KIF24: variants seen among roughly 807,000 people sequenced by gnomAD.
The protein encoded by KIF24 is kinesin-like protein KIF24.
In KIF24, 81 loss-of-function variants were observed where a neutral mutation model predicts 118.9. The ratio of observed to expected loss-of-function variants is 0.68; its 90% CI spans 0.57 to 0.82. KIF24 has a LOEUF of 0.82. Among genes scored for constraint, KIF24 ranks in the 40% least tolerant of loss-of-function variants. The pLI is 0.00. For missense variants in KIF24, 1,560 were observed against 1,661.6 expected, an observed-to-expected ratio of 0.94 and a Z score of 1.06; for synonymous variants, 599 against 610.0, an observed-to-expected ratio of 0.98 and a Z score of 0.27.
At chr9:34,333,261 C>G (rs57932502), upstream of KIF24, among the ~76,000 whole-genome samples, 564 of 152,218 alleles carry the variant, frequency 3.7e-3, 7 homozygotes, top group East Asian at 0.031. Flanking sequence ...CCCTCTCCCC[C>G]CAACTAAAAC....
intron 9 of KIF24, among the ~76,000 whole-genome samples, chr9:34,260,723 C>A (rs1274227253): frequency 6.6e-6 from 1 of 152,186 alleles, no homozygotes; most frequent in African/African-American, 2.4e-5. Context: ...GTAATCCTAG[C>A]ACTTTGGGAG....
chr9:34,297,726 C>T (rs992906944), intron 3 of KIF24, among the ~76,000 whole-genome samples: 4 of 150,342 alleles, frequency 2.7e-5, no homozygotes, highest in Non-Finnish European at 4.4e-5. Context: ...GGCACCACTG[C>T]ACTCCAGCCT....
intron 10 of KIF24, 119 bp downstream of exon 10, chr9:34,259,477 G>A (rs1834974003): frequency 4.1e-6 from 3 of 730,348 alleles, no homozygotes; most frequent in Non-Finnish European, 7.2e-6. Context: ...TGTGTGAGTG[G>A]GAGAGACATG....
In KIF24 at chr9:34,318,670, G is replaced by A. The variant is rs1172596620; in HGVS notation, c.-25-7299C>T. 17 of 1,539,882 alleles carry A rather than the reference G, an allele frequency of 1.1e-5. No homozygotes were observed. The highest frequency in any genetic ancestry group is 2.2e-4 in the Middle Eastern group (1 of 4,512). ...TGTCGCTGGGCGGCAAGGCGACCACGGCGTCGGAGGCCAAGGCAGTGCTGA... is the reference window on the plus strand; with the variant it reads ...TGTCGCTGGGCGGCAAGGCGACCACAGCGTCGGAGGCCAAGGCAGTGCTGA... On this transcript the variant is annotated intron_variant, in intron 1 of 12. Coordinates refer to ENST00000402558, the MANE Select transcript of KIF24 (RefSeq NM_194313.4). The surrounding 1 kb of genome is among the most constrained non-coding windows in gnomAD (Gnocchi z 4.9).
chr9:34,298,114 G>A (rs1394734751), intron 3 of KIF24, among the ~76,000 whole-genome samples: 1 of 152,162 alleles, frequency 6.6e-6, no homozygotes, highest in Non-Finnish European at 1.5e-5. Flanking sequence ...TGGAAGGGGG[G>A]AAGGTATTCC....
At chr9:34,278,497 G>A (rs1294158892) in intron 6 of KIF24, among the ~76,000 whole-genome samples, 1 of 148,654 alleles carries the variant, frequency 6.7e-6, no homozygotes, top group African/African-American at 2.5e-5. Context: ...TTTCATAAAT[G>A]TAAAACAATC....
At chr9:34,299,987 T>C (rs1836637520) in intron 3 of KIF24, among the ~76,000 whole-genome samples, 1 of 152,106 alleles carries the variant, frequency 6.6e-6, no homozygotes, top group Non-Finnish European at 1.5e-5. Context: ...TCTAAATATC[T>C]AGTCAAGAAA....
Position 34,254,270 on chromosome 9 carries a change from A to C in KIF24, c.*110T>G, listed in dbSNP as rs1834727401. ...GGGTGACGCTAGCATAGGCAGGACC[A>C]GCGTGTGGGTTCTGGTGTGTGCAGG... On this transcript the variant is annotated 3_prime_UTR_variant, in exon 13 of 13. Transcript: ENST00000402558. 1.6e-6 allele frequency: 2 copies of C among 1,243,608 alleles called. No individual in the cohort carries two copies. The highest frequency in any genetic ancestry group is 5.4e-5 in the East Asian group (2 of 37,142). The allele number at this position is 1,243,608 out of a possible 1,614,324, so 77.0% of individuals were successfully genotyped here. A position where few individuals can be genotyped will look rare whatever the true frequency, so the allele number is the denominator to read the frequency against.
chr9:34,265,549 A>G (rs1835254425), intron 8 of KIF24, among the ~76,000 whole-genome samples: 1 of 152,224 alleles, frequency 6.6e-6, no homozygotes, highest in Non-Finnish European at 1.5e-5. Context: ...CAAACAAATG[A>G]ACCTAACACT....
intron 1 of KIF24, among the ~76,000 whole-genome samples, chr9:34,327,261 T>C (rs1386999003): frequency 6.6e-6 from 1 of 151,988 alleles, no homozygotes; most frequent in Non-Finnish European, 1.5e-5. Flanking sequence ...TGAGCCAGCA[T>C]AGGGAAACTG....
At chr9:34,307,622 T>C (rs914077386) in intron 2 of KIF24, among the ~76,000 whole-genome samples, 1 of 152,056 alleles carries the variant, frequency 6.6e-6, no homozygotes, top group Non-Finnish European at 1.5e-5. Flanking sequence ...TCATTGAAAC[T>C]GGATGACGGG....
At chr9:34,291,045 A>C (rs1282032494) in intron 4 of KIF24, among the ~76,000 whole-genome samples, 1 of 152,214 alleles carries the variant, frequency 6.6e-6, no homozygotes, top group African/African-American at 2.4e-5. Context: ...AGGATCCTAG[A>C]GATGATCTAC....
At chr9:34,271,999 C>G (rs79113353) in intron 6 of KIF24, 69 bp from the exon 7 acceptor site, 1 of 1,448,634 alleles carries the variant, frequency 6.9e-7, no homozygotes, top group African/African-American at 1.4e-5. Flanking sequence ...TAAGAGTTGG[C>G]TAAGAGCAGT....
intron 9 of KIF24, among the ~76,000 whole-genome samples, chr9:34,261,076 G>C (rs1045874833): frequency 6.6e-6 from 1 of 152,176 alleles, no homozygotes; most frequent in African/African-American, 2.4e-5. Context: ...TCATGTTTGA[G>C]AAGACCTAAC....
At position 34,318,774 on chromosome 9, in the gene KIF24, G is replaced by A. The variant is rs773461482; in HGVS notation, c.-25-7403C>T. ...CGTTCACTCAGCAACTCCACCGCGC[G>A]CAACGTGACCTGGAAGCTGTGCAGT... On this transcript the variant is annotated intron_variant, in intron 1 of 12. Coordinates refer to ENST00000402558, the MANE Select transcript of KIF24 (RefSeq NM_194313.4). The surrounding 1 kb of genome is among the most constrained non-coding windows in gnomAD (Gnocchi z 4.9). The A allele has an allele frequency of 2.2e-4, 330 of 1,528,954 alleles. No individual in the cohort carries two copies. The highest frequency in any genetic ancestry group is 5.0e-4 in the Admixed American group (29 of 57,618). 94.7% of individuals were successfully genotyped at this position (1,528,954 alleles called of 1,614,324 possible).
chr9:34,297,340 T>C (rs932031250), intron 3 of KIF24, among the ~76,000 whole-genome samples: 1 of 152,230 alleles, frequency 6.6e-6, no homozygotes, highest in Non-Finnish European at 1.5e-5. Flanking sequence ...ATACATTTTT[T>C]GTTTTCTCTT....
In KIF24 at chr9:34,253,930, A is replaced by G. The variant is rs888420836; in HGVS notation, c.*450T>C. On this transcript the variant is annotated 3_prime_UTR_variant, in exon 13 of 13. Coordinates refer to ENST00000402558, the MANE Select transcript of KIF24 (RefSeq NM_194313.4). ...AGTTTGGGCCAGTGTTTAGTCTTCT[A>G]AGTTAGGCACAGAATTCAGCTGGTG... The G allele has an allele frequency of 1.9e-5, 3 of 154,254 alleles. No individual in the cohort carries two copies. The highest frequency in any genetic ancestry group is 2.9e-5 in the Non-Finnish European group (2 of 69,602). The allele number at this position is 154,254 out of a possible 1,614,324, so 9.6% of individuals were successfully genotyped here.
At chr9:34,294,529 C>A (rs1325189106) in intron 4 of KIF24, among the ~76,000 whole-genome samples, 4 of 140,526 alleles carry the variant, frequency 2.8e-5, no homozygotes, top group Non-Finnish European at 6.2e-5. Context: ...GCCTGGGCAA[C>A]AAGAGTGAAA....
At chr9:34,303,194 C>T (rs34356807) in intron 3 of KIF24, among the ~76,000 whole-genome samples, 6,321 of 152,058 alleles carry the variant, frequency 0.042, 167 homozygotes, top group Middle Eastern at 0.075. Context: ...GGATGCTAGG[C>T]ATGAGTTACC....
Sources: gnomAD v4.1 joint callset for allele counts (sites outside exome capture counted in the v4.1 genomes callset) on GRCh38, gnomAD v4.1.1 for gene constraint, Gnocchi (gnomAD v3.1) non-coding constraint, MANE v1.5 for transcripts, NCBI Gene and HGNC (gene_info 2026-07-23, HGNC 2026-07-21) for gene names.